ACOXL: variants seen among roughly 807,000 people sequenced by gnomAD.
ACOXL encodes the protein acyl-CoA oxidase like, also known as acyl-coenzyme A oxidase-like protein.
In ACOXL, 70 loss-of-function variants were observed where a neutral mutation model predicts 71.9. That is an observed-to-expected ratio of 0.97 (90% CI 0.80 to 1.19). The LOEUF (loss-of-function observed/expected upper bound fraction) is 1.19, where lower values mean the gene tolerates loss of function less well. Ranked by LOEUF, ACOXL falls within the 50% of genes most tolerant of loss-of-function variation. ACOXL has a pLI of 0.00. For missense variants in ACOXL, 703 were observed against 736.3 expected (o/e 0.95, Z 0.52); for synonymous variants, 253 against 281.6 (o/e 0.90, Z 1.02).
chr2:110,791,704 G>A (rs774142048), intron 3 of ACOXL, among the ~76,000 whole-genome samples: 6 of 152,202 alleles, frequency 3.9e-5, no homozygotes, highest in Non-Finnish European at 8.8e-5. Flanking sequence ...CTGTCCTGAT[G>A]CCAGAGTGTG....
At chr2:111,074,154 T>C (rs2067482206) in intron 16 of ACOXL, among the ~76,000 whole-genome samples, 1 of 151,236 alleles carries the variant, frequency 6.6e-6, no homozygotes, top group Non-Finnish European at 1.5e-5. Flanking sequence ...GGGGGACATT[T>C]ACTGTGTGTT....
intron 16 of ACOXL, among the ~76,000 whole-genome samples, chr2:111,079,437 A>G (rs531745620): frequency 6.6e-6 from 1 of 152,294 alleles, no homozygotes; most frequent in South Asian, 2.1e-4. Context: ...GCTGCATTCA[A>G]CATTTCGTAA....
At chr2:111,076,342 A>G (rs1574683773) in intron 16 of ACOXL, among the ~76,000 whole-genome samples, 1 of 152,124 alleles carries the variant, frequency 6.6e-6, no homozygotes, top group East Asian at 1.9e-4. Flanking sequence ...ATCATTATGT[A>G]ATTCCCTCTT....
intron 1 of ACOXL, among the ~76,000 whole-genome samples, chr2:110,738,106 T>G (rs1199861546): frequency 6.6e-6 from 1 of 152,232 alleles, no homozygotes; most frequent in East Asian, 1.9e-4. Context: ...GCTGCTTGCC[T>G]GTGGCTGCCA....
At chr2:110,798,979 G>T in intron 6 of ACOXL, 35 bp from the exon 7 acceptor site, 1 of 1,595,158 alleles carries the variant, frequency 6.3e-7, no homozygotes, top group Non-Finnish European at 8.6e-7. Context: ...GCTATAGGAA[G>T]GAGAGCTTAA....
intron 14 of ACOXL, among the ~76,000 whole-genome samples, chr2:111,030,478 C>T (rs1275692277): frequency 6.6e-6 from 1 of 152,202 alleles, no homozygotes; most frequent in Admixed American, 6.5e-5. Flanking sequence ...CAAACTGTGC[C>T]TGCGGCCCCA....
At position 110,837,249 on chromosome 2, in the gene ACOXL, TGA is replaced by T. The variant is rs1200537502; in HGVS notation, c.754-4116_754-4115del. 6.6e-5 allele frequency among the ~76,000 whole-genome samples: 10 copies of T among 152,164 alleles called. No homozygotes were observed. The East Asian group carries it at 1.9e-3, about 29-fold the overall frequency. The stretch of plus-strand genomic sequence containing the variant: ...TTCACCTGCTCTTGGCAGCCATGTG[TGA>T]GAGAGCACATCTTCACCATGAGGTC... On this transcript the variant is annotated intron_variant, in intron 9 of 17. Transcript: ENST00000439055.
At chr2:110,924,008 C>T (rs917472413) in intron 11 of ACOXL, among the ~76,000 whole-genome samples, 1 of 151,512 alleles carries the variant, frequency 6.6e-6, no homozygotes, top group African/African-American at 2.4e-5. Flanking sequence ...AGATTTGGTT[C>T]TAGACCACTG....
intron 3 of ACOXL, among the ~76,000 whole-genome samples, chr2:110,789,054 G>C (rs750046327): frequency 2.6e-5 from 4 of 152,214 alleles, no homozygotes; most frequent in Non-Finnish European, 5.9e-5. Context: ...CTCCAGGTCT[G>C]TTTATCCAGT....
chr2:110,764,135 T>C (rs769431403), intron 1 of ACOXL, among the ~76,000 whole-genome samples: 3 of 152,200 alleles, frequency 2.0e-5, no homozygotes, highest in Non-Finnish European at 2.9e-5. Context: ...TTTCTTACCA[T>C]ATGGTCCAGT....
chr2:111,051,334 T>C (rs1355928220), intron 16 of ACOXL, among the ~76,000 whole-genome samples: 1 of 152,232 alleles, frequency 6.6e-6, no homozygotes, highest in Non-Finnish European at 1.5e-5. Flanking sequence ...TTATTTTGAC[T>C]ACAGTCAGCC....
intron 9 of ACOXL, among the ~76,000 whole-genome samples, chr2:110,817,429 C>A (rs935745810): frequency 2.0e-5 from 3 of 152,236 alleles, no homozygotes; most frequent in Admixed American, 6.5e-5. Context: ...CCCACAGAAC[C>A]CTTCTTGCGA....
chr2:111,058,956 A>G (rs1330052839), intron 16 of ACOXL, among the ~76,000 whole-genome samples: 5 of 152,164 alleles, frequency 3.3e-5, no homozygotes, highest in Non-Finnish European at 7.4e-5. Flanking sequence ...AAATGACAGG[A>G]TGAGCCAGGG....
chr2:110,756,342 T>C (rs1171992045), intron 1 of ACOXL, among the ~76,000 whole-genome samples: 2 of 152,206 alleles, frequency 1.3e-5, no homozygotes, highest in Non-Finnish European at 2.9e-5. Flanking sequence ...TTGGCCAGGC[T>C]AGTCTCAAAC....
At chr2:110,967,690 G>T in intron 12 of ACOXL, 1 of 385,962 alleles carries the variant, frequency 2.6e-6, no homozygotes, top group Non-Finnish European at 4.7e-6. Context: ...AACAATTATA[G>T]TTGGATATTT....
intron 11 of ACOXL, among the ~76,000 whole-genome samples, chr2:110,911,778 A>G (rs1277782888): frequency 6.6e-6 from 1 of 152,090 alleles, no homozygotes; most frequent in African/African-American, 2.4e-5. Flanking sequence ...GAAAGATTGA[A>G]TGCTCTCTCC....
At chr2:110,825,982 CACCAG>C (rs1281922632) in intron 9 of ACOXL, among the ~76,000 whole-genome samples, 1 of 152,156 alleles carries the variant, frequency 6.6e-6, no homozygotes, top group Non-Finnish European at 1.5e-5. Flanking sequence ...TCAGTGATTG[CACCAG>C]AGTGATCAGC....
intron 15 of ACOXL, among the ~76,000 whole-genome samples, chr2:111,034,593 G>GA (rs1158708893): frequency 1.3e-5 from 2 of 152,224 alleles, no homozygotes; most frequent in Non-Finnish European, 2.9e-5. Flanking sequence ...AGTAATGGAA[G>GA]AAAAATCATA....
At chr2:110,991,440 T>C (rs1190854304) in intron 13 of ACOXL, among the ~76,000 whole-genome samples, 4 of 152,236 alleles carry the variant, frequency 2.6e-5, no homozygotes, top group Non-Finnish European at 4.4e-5. Context: ...TATTGTCTCC[T>C]ATATTATACT....
Sources: allele counts gnomAD v4.1 joint callset (sites outside exome capture counted in the v4.1 genomes callset), GRCh38; gene constraint gnomAD v4.1.1; transcripts MANE v1.5; gene names NCBI Gene and HGNC (gene_info 2026-07-23, HGNC 2026-07-21).